NCOA3: variants seen among roughly 807,000 people sequenced by gnomAD.
NCOA3 encodes the protein nuclear receptor coactivator 3.
Under a neutral mutation model 158.8 loss-of-function variants are expected in NCOA3, and 51 were observed. The observed-to-expected ratio is 0.32, with a 90% CI of 0.26 to 0.41. The LOEUF is 0.41. Ranked by LOEUF, NCOA3 falls within the 10% of genes least tolerant of loss-of-function variation. NCOA3 has a pLI of 1.00. For synonymous variants in NCOA3, 537 were observed against 592.4 expected, an observed-to-expected ratio of 0.91 and a Z score of 1.36; for missense variants, 1,510 against 1,746.6, an observed-to-expected ratio of 0.86 and a Z score of 2.41.
intron 2 of NCOA3, among the ~76,000 whole-genome samples, chr20:47,620,614 C>T (rs1412039920): frequency 6.6e-6 from 1 of 152,176 alleles, no homozygotes; most frequent in Non-Finnish European, 1.5e-5. Context: ...TTCACTCACT[C>T]ATTATATATG....
chr20:47,554,729 C>T lies in NCOA3; in HGVS notation c.-98-28454C>T, dbSNP rs191893650. The stretch of plus-strand genomic sequence containing the variant: ...AAGAGGATACAAACAAATGGAAGAA[C>T]GTTCCATGCTCGTGGGTAGGAAGAA... On this transcript the variant is annotated intron_variant, in intron 1 of 22. Coordinates refer to ENST00000371998, the MANE Select transcript of NCOA3 (RefSeq NM_181659.3). Among the ~76,000 whole-genome samples the T allele has an allele frequency of 1.4e-4, 22 of 152,106 alleles. No homozygotes were observed. The East Asian group carries it at 1.9e-3, about 13-fold the overall frequency.
At chr20:47,523,156 A>T (rs2084373333) in intron 1 of NCOA3, among the ~76,000 whole-genome samples, 1 of 152,190 alleles carries the variant, frequency 6.6e-6, no homozygotes, top group African/African-American at 2.4e-5. Context: ...ACTGCACTCC[A>T]GGCTGGGCGA....
At chr20:47,637,612 A>C in intron 12 of NCOA3, 36 bp from the exon 13 acceptor site, 1 of 1,535,700 alleles carries the variant, frequency 6.5e-7, no homozygotes, top group Non-Finnish European at 8.8e-7. Flanking sequence ...GTGTCTGGTA[A>C]TGTATACAGG....
chr20:47,628,127 A>G (rs957651654), intron 8 of NCOA3, 104 bp downstream of exon 8: 12 of 719,804 alleles, frequency 1.7e-5, no homozygotes, highest in African/African-American at 1.1e-4. Flanking sequence ...TATCATAGAA[A>G]TGTATACCTA....
At chr20:47,621,103 T>C (rs997765137) in intron 2 of NCOA3, among the ~76,000 whole-genome samples, 2 of 152,228 alleles carry the variant, frequency 1.3e-5, no homozygotes, top group African/African-American at 4.8e-5. Context: ...CTCAGCTTTT[T>C]AGCCTTTCCA....
intron 5 of NCOA3, among the ~76,000 whole-genome samples, chr20:47,625,782 A>G (rs978475583): frequency 2.0e-5 from 3 of 152,178 alleles, no homozygotes; most frequent in African/African-American, 7.2e-5. Context: ...TCACAGAGAT[A>G]TTTGGGTACA....
At chr20:47,527,068 C>T (rs981823924) in intron 1 of NCOA3, among the ~76,000 whole-genome samples, 7 of 152,106 alleles carry the variant, frequency 4.6e-5, no homozygotes, top group African/African-American at 1.4e-4. Context: ...TATAACTTTG[C>T]TAAATTAATT....
chr20:47,651,857 G>A (rs1203675602), intron 20 of NCOA3, among the ~76,000 whole-genome samples: 2 of 151,506 alleles, frequency 1.3e-5, no homozygotes, highest in Non-Finnish European at 2.9e-5. Context: ...TAATAGAGAC[G>A]GGGTTTCACT....
At chr20:47,650,157 G>A (rs961029027) in intron 19 of NCOA3, among the ~76,000 whole-genome samples, 1 of 151,020 alleles carries the variant, frequency 6.6e-6, no homozygotes, top group African/African-American at 2.4e-5. Context: ...TTCTAGTCAT[G>A]TTAAAGCTTG....
rs563180831 is a variant in NCOA3 at position 47,639,247 on chromosome 20, A to G, written c.2707+45A>G. The G allele has an allele frequency of 8.3e-5, 122 of 1,470,266 alleles. 1 individual carries two copies. In the East Asian group the frequency reaches 2.4e-3, roughly 29 times the overall value. The allele number at this position is 1,470,266 out of a possible 1,614,324, so 91.1% of individuals were successfully genotyped here. ...TATGTATGATTATTTTGGGAAAAGCATATTTAAAATACTTAAAGCCATCTA... is the reference window on the plus strand; with the variant it reads ...TATGTATGATTATTTTGGGAAAAGCGTATTTAAAATACTTAAAGCCATCTA... On this transcript the variant is annotated intron_variant, in intron 14 of 22. Transcript: ENST00000371998.
intron 2 of NCOA3, among the ~76,000 whole-genome samples, chr20:47,602,359 A>G (rs1393365924): frequency 6.6e-6 from 1 of 152,246 alleles, no homozygotes; most frequent in African/African-American, 2.4e-5. Context: ...GGAGGGTGAC[A>G]TAAATAGAAT....
chr20:47,643,165 T>C lies in NCOA3; in HGVS notation c.3252+781T>C, dbSNP rs1271845191. ...CTGACCTCAAGTGATCCACTCGCCT[T>C]GGCCTCCCAAAGTGCTGGGATTACA... On this transcript the variant is annotated intron_variant, in intron 17 of 22. Transcript: ENST00000371998. Among the ~76,000 whole-genome samples, 4 of 152,340 alleles carry C rather than the reference T, an allele frequency of 2.6e-5. 1 individual carries two copies. The highest frequency in any genetic ancestry group is 9.6e-5 in the African/African-American group (4 of 41,588).
At chr20:47,578,269 T>C (rs1435845390) in intron 1 of NCOA3, among the ~76,000 whole-genome samples, 2 of 152,228 alleles carry the variant, frequency 1.3e-5, no homozygotes, top group Non-Finnish European at 2.9e-5. Context: ...CACTGCAACC[T>C]CTGCCTACGG....
intron 1 of NCOA3, among the ~76,000 whole-genome samples, chr20:47,579,149 A>T (rs2085414927): frequency 6.6e-6 from 1 of 152,106 alleles, no homozygotes; most frequent in Non-Finnish European, 1.5e-5. Flanking sequence ...TAAAATAAAA[A>T]CCTAAAACTA....
chr20:47,558,619 A>G (rs186952078), intron 1 of NCOA3, among the ~76,000 whole-genome samples: 1 of 151,184 alleles, frequency 6.6e-6, no homozygotes, highest in East Asian at 1.9e-4. Flanking sequence ...AATAATTGGA[A>G]CCCTTCTGCC....
chr20:47,548,226 A>G (rs1298229524), intron 1 of NCOA3, among the ~76,000 whole-genome samples: 1 of 137,902 alleles, frequency 7.3e-6, no homozygotes, highest in Non-Finnish European at 1.6e-5. Flanking sequence ...AGCCTAATAA[A>G]AAAAGGTTCC....
Position 47,627,275 on chromosome 20 carries a change from T to C in NCOA3, c.532+99T>C, listed in dbSNP as rs906970933. The C allele has an allele frequency of 2.7e-5, 28 of 1,025,602 alleles. No homozygotes were observed. The African/African-American group carries it at 4.4e-4, about 16-fold the overall frequency. The allele number at this position is 1,025,602 out of a possible 1,614,324, so 63.5% of individuals were successfully genotyped here. A position where few individuals can be genotyped will look rare whatever the true frequency, so the allele number is the denominator to read the frequency against. ...TCTTTTAGGAAGTCAAGCGATCAAA[T>C]GAGGGTAGAAAGGCATGTGATTTAA... On this transcript the variant is annotated intron_variant, in intron 6 of 22. Transcript: ENST00000371998.
intron 1 of NCOA3, among the ~76,000 whole-genome samples, chr20:47,552,887 G>T (rs113953054): frequency 0.017 from 2,573 of 151,538 alleles, 76 homozygotes; most frequent in African/African-American, 0.059. Flanking sequence ...GGAAAAATGT[G>T]ATTGAAACAA....
In NCOA3 at chr20:47,635,728, A is replaced by AT; in HGVS notation, c.1504+18dup. On this transcript the variant is annotated intron_variant, in intron 11 of 22. Coordinates refer to ENST00000371998, the MANE Select transcript of NCOA3 (RefSeq NM_181659.3). ...TCCTGTTGCAGGTATTTGTGTTGAC[A>AT]TTTCCTTTTATTTTTTTTCTTTTTA... 2 of 1,581,664 alleles carry AT rather than the reference A, an allele frequency of 1.3e-6. No homozygotes were observed. The highest frequency in any genetic ancestry group is 1.7e-6 in the Non-Finnish European group (2 of 1,167,732).
Sources: allele counts gnomAD v4.1 joint callset (sites outside exome capture counted in the v4.1 genomes callset), GRCh38; gene constraint gnomAD v4.1.1; transcripts MANE v1.5; gene names NCBI Gene and HGNC (gene_info 2026-07-23, HGNC 2026-07-21).